The following NFIA variants were observed in gnomAD, a reference collection of about 807,000 sequenced individuals.
The protein encoded by NFIA is nuclear factor 1 A-type.
A neutral mutation model predicts 62.8 loss-of-function variants in NFIA; 8 were observed. The observed-to-expected ratio is 0.13, with a 90% CI of 0.07 to 0.23. The LOEUF (loss-of-function observed/expected upper bound fraction) is 0.23. Among genes scored for constraint, NFIA ranks in the 10% least tolerant of loss-of-function variants. The pLI, the probability that NFIA is intolerant of heterozygous loss-of-function variation, is 1.00. For synonymous variants in NFIA, 235 were observed against 238.1 expected (o/e 0.99, Z 0.12); for missense variants, 410 against 642.1 (o/e 0.64, Z 3.91).
rs558054651 is a variant in NFIA, at chr1:61,221,059, C to A, written c.560-56461C>A. Among the ~76,000 whole-genome samples the A allele has an allele frequency of 3.3e-5, 5 of 152,044 alleles. No individual in the cohort carries two copies. In the South Asian group the frequency reaches 1.0e-3, roughly 31 times the overall value. On this transcript the variant is annotated intron_variant, in intron 2 of 10. Transcript: ENST00000403491. Reference sequence around the variant, plus strand: ...TCAACTGTAGTATTTGATAGTAATCCATTTTTTAATTTACTAAGTACTTTG... The same window carrying A: ...TCAACTGTAGTATTTGATAGTAATCAATTTTTTAATTTACTAAGTACTTTG...
At chr1:61,257,861 G>GTTTTTTTTTTTTTTTTTT (rs58077067) in intron 2 of NFIA, among the ~76,000 whole-genome samples, 5 of 126,468 alleles carry the variant, frequency 4.0e-5, no homozygotes, top group African/African-American at 8.9e-5. Context: ...ATGCTTAGCT[G>GTTTTTTTTTTTTTTTTTT]TTTTTTTTTT....
chr1:61,448,701 A>G (rs1667933825), intron 10 of NFIA, among the ~76,000 whole-genome samples: 1 of 152,212 alleles, frequency 6.6e-6, no homozygotes, highest in African/African-American at 2.4e-5. Flanking sequence ...GGCTATGCAC[A>G]CAGCTCTCTA....
chr1:61,350,041 GC>G (rs1246230163), intron 4 of NFIA, among the ~76,000 whole-genome samples: 1 of 151,912 alleles, frequency 6.6e-6, no homozygotes, highest in Non-Finnish European at 1.5e-5. Flanking sequence ...TTCTTCAGGC[GC>G]CCCCCACCCT....
At chr1:61,351,441 G>GT (rs1218616055) in intron 4 of NFIA, among the ~76,000 whole-genome samples, 1 of 152,090 alleles carries the variant, frequency 6.6e-6, no homozygotes, top group Non-Finnish European at 1.5e-5. Context: ...ATTTATTCCA[G>GT]TATCAAATCA....
chr1:61,265,819 T>C (rs544545896), intron 2 of NFIA, among the ~76,000 whole-genome samples: 69 of 152,314 alleles, frequency 4.5e-4, no homozygotes, highest in African/African-American at 1.6e-3. Context: ...TGGCCTTCTG[T>C]GGTCAGGGGT....
intron 2 of NFIA, among the ~76,000 whole-genome samples, chr1:61,130,931 C>G (rs1473764352): frequency 1.3e-5 from 2 of 152,162 alleles, no homozygotes; most frequent in African/African-American, 4.8e-5. Context: ...ATGACAGATT[C>G]ATAAGACGTT....
chr1:61,163,570 G>C (rs1219371339), intron 2 of NFIA, among the ~76,000 whole-genome samples: 1 of 152,032 alleles, frequency 6.6e-6, no homozygotes, highest in East Asian at 1.9e-4. Flanking sequence ...GACCTAACTA[G>C]TATTGCATCA....
At chr1:61,101,368 C>T (rs1181692620) in intron 2 of NFIA, among the ~76,000 whole-genome samples, 1 of 147,892 alleles carries the variant, frequency 6.8e-6, no homozygotes, top group Non-Finnish European at 1.5e-5. Context: ...GCACTCCAGC[C>T]TGGGCAACAA....
intron 2 of NFIA, among the ~76,000 whole-genome samples, chr1:61,216,688 T>C (rs1557642459): frequency 6.6e-6 from 1 of 152,226 alleles, no homozygotes; most frequent in Non-Finnish European, 1.5e-5. Context: ...TTTAACTGTC[T>C]GTGTATGTAT....
intron 2 of NFIA, among the ~76,000 whole-genome samples, chr1:61,238,799 C>T (rs1206559490): frequency 1.3e-5 from 2 of 152,074 alleles, no homozygotes; most frequent in Non-Finnish European, 2.9e-5. Context: ...TGATGTAAAC[C>T]TTTGGTGTCT....
upstream of NFIA, chr1:61,081,892 G>T (rs1332230156): frequency 1.3e-6 from 2 of 1,545,252 alleles, no homozygotes; most frequent in South Asian, 1.2e-5. Context: ...GCATTTCAGT[G>T]GGGGAAAAAA....
chr1:61,378,250 G>GT (rs1315825970), intron 6 of NFIA, among the ~76,000 whole-genome samples: 3 of 152,086 alleles, frequency 2.0e-5, no homozygotes, highest in Non-Finnish European at 2.9e-5. Flanking sequence ...AAGAATTTGA[G>GT]TTTTTTTCCC....
intron 2 of NFIA, among the ~76,000 whole-genome samples, chr1:61,257,730 C>G (rs1435638409): frequency 2.0e-5 from 3 of 151,824 alleles, no homozygotes; most frequent in Non-Finnish European, 4.4e-5. Flanking sequence ...TTTTTCAAAC[C>G]AGGGTCTCAC....
intron 2 of NFIA, among the ~76,000 whole-genome samples, chr1:61,194,557 C>T (rs72664859): frequency 1.3e-5 from 2 of 152,050 alleles, no homozygotes; most frequent in African/African-American, 4.8e-5. Flanking sequence ...TCCATGCAAA[C>T]TTAATTAATT....
chr1:61,406,576 C>T lies in NFIA; in HGVS notation c.1269C>T (p.Ser423=), dbSNP rs745634028. Residue 423 remains serine, a synonymous_variant, in exon 9 of 11, where the codon AGC becomes AGT. Coordinates refer to ENST00000403491, the MANE Select transcript of NFIA (RefSeq NM_001134673.4). ...QVGFLNPNGS[S]QGKVHNPFLP... ...CCCCCCCACAGCCCAATGGGAGCAG[C>T]CAAGGCAAGGTGCACAACCCATTCC... The T allele has an allele frequency of 1.4e-6, 2 of 1,481,198 alleles. No homozygotes were observed. The highest frequency in any genetic ancestry group is 3.8e-5 in the Admixed American group (2 of 52,428). 91.8% of individuals were successfully genotyped at this position (1,481,198 alleles called of 1,614,324 possible).
intron 9 of NFIA, among the ~76,000 whole-genome samples, chr1:61,416,374 C>T (rs1666348494): frequency 6.6e-6 from 1 of 152,102 alleles, no homozygotes; most frequent in South Asian, 2.1e-4. Flanking sequence ...AATTTTTATA[C>T]ATCTAGCTTT....
chr1:61,386,627 T>C (rs1664700566), intron 7 of NFIA, among the ~76,000 whole-genome samples: 1 of 152,176 alleles, frequency 6.6e-6, no homozygotes, highest in Admixed American at 6.5e-5. Context: ...GTCACCTCAC[T>C]AAAAACACAA....
chr1:61,325,932 CA>C (rs36122626), intron 3 of NFIA, among the ~76,000 whole-genome samples: 16,312 of 86,326 alleles, frequency 0.19, 482 homozygotes, highest in African/African-American at 0.28. Flanking sequence ...GACTCTGTCT[CA>C]AAAAAAAAAA....
intron 6 of NFIA, among the ~76,000 whole-genome samples, chr1:61,363,961 T>TTC (rs1335749775): frequency 6.6e-6 from 1 of 151,562 alleles, no homozygotes; most frequent in Non-Finnish European, 1.5e-5. Flanking sequence ...TTTTTTTTTT[T>TTC]TCTGAGACAG....
Sources: allele counts gnomAD v4.1 joint callset (sites outside exome capture counted in the v4.1 genomes callset), GRCh38; gene constraint gnomAD v4.1.1; transcripts MANE v1.5; gene names NCBI Gene and HGNC (gene_info 2026-07-23, HGNC 2026-07-21).